HGF: variants seen among roughly 807,000 people sequenced by gnomAD.
The protein encoded by HGF is hepatocyte growth factor.
HGF carries 39 observed loss-of-function variants against 111.6 expected under a neutral mutation model. That is an observed-to-expected ratio of 0.35 (90% confidence interval 0.27 to 0.46). HGF has a LOEUF of 0.46. Among genes scored for constraint, HGF ranks in the 20% least tolerant of loss-of-function variants. The probability of loss-of-function intolerance (pLI) is 1.00; values close to 1 mark genes in which losing one functional copy is unlikely to be tolerated. For synonymous variants in HGF, 285 were observed against 294.8 expected, an observed-to-expected ratio of 0.97 and a Z score of 0.34; for missense variants, 735 against 910.5, an observed-to-expected ratio of 0.81 and a Z score of 2.48.
intron 5 of HGF, among the ~76,000 whole-genome samples, chr7:81,750,579 T>C (rs988455822): frequency 1.3e-5 from 2 of 152,212 alleles, no homozygotes; most frequent in Admixed American, 1.3e-4. Context: ...TTAATCTATG[T>C]CGCCTAGCAG....
At chr7:81,760,988 G>A (rs1194469465) in intron 2 of HGF, among the ~76,000 whole-genome samples, 5 of 152,116 alleles carry the variant, frequency 3.3e-5, no homozygotes, top group East Asian at 1.9e-4. Flanking sequence ...GTTGACTAAT[G>A]TGAAAATTGA....
intron 13 of HGF, among the ~76,000 whole-genome samples, chr7:81,707,952 C>A (rs1789471003): frequency 6.6e-6 from 1 of 152,024 alleles, no homozygotes; most frequent in Non-Finnish European, 1.5e-5. Flanking sequence ...TAAAGTAAAA[C>A]AATTTTGCAA....
rs1257265009 is a variant in HGF at position 81,702,572 on chromosome 7, T to G, written c.*9A>C. On this transcript the variant is annotated 3_prime_UTR_variant, in exon 18 of 18. Transcript: ENST00000222390. ...GTATTGGTGGGTGCTTCAGACACAC[T>G]TACTTCAGCTATGACTGTGGTACCT... 1 of 1,606,096 alleles carries G rather than the reference T, an allele frequency of 6.2e-7. No homozygotes were observed. Among genetic ancestry groups the G allele is most frequent in the African/African-American group, 1.3e-5 (1 of 74,662 alleles).
intron 2 of HGF, among the ~76,000 whole-genome samples, chr7:81,761,748 A>T (rs975500615): frequency 7.0e-6 from 1 of 143,056 alleles, no homozygotes; most frequent in Admixed American, 7.4e-5. Flanking sequence ...ATCAGTTCCC[A>T]ACCTTTTTGG....
chr7:81,752,544 C>G (rs1480886921), intron 4 of HGF, among the ~76,000 whole-genome samples: 1 of 152,068 alleles, frequency 6.6e-6, no homozygotes, highest in African/African-American at 2.4e-5. Flanking sequence ...TCGAAGTTGT[C>G]TGAAACATAA....
chr7:81,747,374 G>A (rs566291171), intron 5 of HGF, among the ~76,000 whole-genome samples: 19 of 152,070 alleles, frequency 1.2e-4, no homozygotes, highest in Admixed American at 3.3e-4. Flanking sequence ...GTATTTGGCC[G>A]TAATAGTTTT....
chr7:81,713,280 A>G (rs1583925264), intron 11 of HGF, among the ~76,000 whole-genome samples: 1 of 152,204 alleles, frequency 6.6e-6, no homozygotes, highest in Middle Eastern at 3.4e-3. Context: ...TAATCCCAGC[A>G]TTCTGGGAGG....
chr7:81,767,599 T>C (rs924049171), intron 1 of HGF, among the ~76,000 whole-genome samples: 11 of 152,200 alleles, frequency 7.2e-5, no homozygotes, highest in East Asian at 1.9e-4. Flanking sequence ...CCCATGTAGG[T>C]GGGAGTGAAT....
At chr7:81,742,760 T>A in intron 7 of HGF, 5 of 1,505,018 alleles carry the variant, frequency 3.3e-6, no homozygotes, top group Non-Finnish European at 3.6e-6. Context: ...GAAAAATGAT[T>A]GTATGGACTG....
At chr7:81,744,625 C>T (rs1788154132) in intron 6 of HGF, among the ~76,000 whole-genome samples, 1 of 152,018 alleles carries the variant, frequency 6.6e-6, no homozygotes, top group Admixed American at 6.6e-5. Context: ...CTGAATTGGT[C>T]CTGTGGTTTG....
intron 7 of HGF, among the ~76,000 whole-genome samples, chr7:81,731,040 A>T (rs1191688518): frequency 6.6e-6 from 1 of 152,198 alleles, no homozygotes; most frequent in Non-Finnish European, 1.5e-5. Flanking sequence ...TTTAAATTTC[A>T]TCTAAACACC....
rs544081230 is a variant in HGF, at chr7:81,700,893, T to C, written c.*1688A>G. The C allele has an allele frequency of 1.3e-5, 2 of 151,712 alleles. No individual in the cohort carries two copies. Among genetic ancestry groups the C allele is most frequent in the South Asian group, 4.1e-4 (2 of 4,828 alleles). The allele number at this position is 151,712 out of a possible 1,614,324, so 9.4% of individuals were successfully genotyped here. A position where few individuals can be genotyped will look rare whatever the true frequency, so the allele number is the denominator to read the frequency against. On this transcript the variant is annotated 3_prime_UTR_variant, in exon 18 of 18. Coordinates refer to ENST00000222390, the MANE Select transcript of HGF (RefSeq NM_000601.6). ...AAACTTAAAACCATTTTAGTCCAGA[T>C]TGAACAGTACTCTAAAGAGCTGGTA...
intron 9 of HGF, among the ~76,000 whole-genome samples, chr7:81,722,813 CAAA>C (rs552915726): frequency 1.1e-5 from 1 of 91,208 alleles, no homozygotes; most frequent in African/African-American, 4.8e-5. Flanking sequence ...GATTCTGTCT[CAAA>C]AAAAAAAAAA....
chr7:81,712,166 C>T (rs565432664), intron 11 of HGF, among the ~76,000 whole-genome samples: 66 of 152,206 alleles, frequency 4.3e-4, no homozygotes, highest in Middle Eastern at 6.8e-3. Context: ...CCTCGATCCA[C>T]CAAGATGTCC....
chr7:81,746,746 T>C (rs1247817673), intron 5 of HGF, among the ~76,000 whole-genome samples: 1 of 152,144 alleles, frequency 6.6e-6, no homozygotes, highest in Non-Finnish European at 1.5e-5. Context: ...AATCACTACA[T>C]TGAGCAGTAT....
chr7:81,712,855 G>A (rs1334820329), intron 11 of HGF, among the ~76,000 whole-genome samples: 2 of 152,150 alleles, frequency 1.3e-5, no homozygotes, highest in African/African-American at 4.8e-5. Flanking sequence ...ACTTATTTAA[G>A]TTCATTTTTC....
At chr7:81,737,859 A>T (rs1004100385) in intron 7 of HGF, among the ~76,000 whole-genome samples, 1 of 152,196 alleles carries the variant, frequency 6.6e-6, no homozygotes, top group Non-Finnish European at 1.5e-5. Context: ...GTCAAAGAGT[A>T]TAAAGGTATC....
intron 7 of HGF, among the ~76,000 whole-genome samples, chr7:81,737,731 T>C (rs1787879255): frequency 6.6e-6 from 1 of 152,146 alleles, no homozygotes; most frequent in Non-Finnish European, 1.5e-5. Context: ...TAATAGCCAA[T>C]GGCCTTATTG....
chr7:81,764,251 T>TTA (rs1378272589), intron 1 of HGF, among the ~76,000 whole-genome samples: 1 of 152,116 alleles, frequency 6.6e-6, no homozygotes, highest in East Asian at 1.9e-4. Flanking sequence ...ATGCTACTAA[T>TTA]TAGTGTCCAT....
Sources: gnomAD v4.1 joint callset for allele counts (sites outside exome capture counted in the v4.1 genomes callset) on GRCh38, gnomAD v4.1.1 for gene constraint, MANE v1.5 for transcripts, NCBI Gene and HGNC (gene_info 2026-07-23, HGNC 2026-07-21) for gene names.